Variants in OTUD7A observed in about 807,000 individuals in gnomAD.
OTUD7A encodes the protein OTU domain-containing protein 7A.
Under a neutral mutation model 65.7 loss-of-function variants are expected in OTUD7A, and 12 were observed. The ratio of observed to expected loss-of-function variants is 0.18; its 90% confidence interval spans 0.12 to 0.30. OTUD7A has a LOEUF of 0.30. Among genes scored for constraint, OTUD7A ranks in the 10% least tolerant of loss-of-function variants. The pLI is 1.00. For missense variants in OTUD7A, 1,148 were observed against 1,304.8 expected (o/e 0.88, Z 1.85); for synonymous variants, 641 against 586.3 (o/e 1.09, Z -1.35).
At chr15:31,854,824 A>AAAC (rs1301559025) in intron 1 of OTUD7A, among the ~76,000 whole-genome samples, 1 of 152,120 alleles carries the variant, frequency 6.6e-6, no homozygotes, top group Non-Finnish European at 1.5e-5. Context: ...GGAAAAAAAA[A>AAAC]AACAACAACA....
At chr15:31,601,699 T>C (rs530683871) in intron 3 of OTUD7A, among the ~76,000 whole-genome samples, 2 of 151,854 alleles carry the variant, frequency 1.3e-5, no homozygotes, top group South Asian at 2.1e-4. Flanking sequence ...ATCAACAAAA[T>C]AGACCGCTAG....
intron 3 of OTUD7A, among the ~76,000 whole-genome samples, chr15:31,600,389 C>A (rs995273199): frequency 2.0e-5 from 3 of 152,148 alleles, no homozygotes; most frequent in Non-Finnish European, 4.4e-5. Flanking sequence ...GAAATAAAAT[C>A]CTTTACAGAC....
chr15:31,595,455 G>A (rs981708063), intron 3 of OTUD7A, among the ~76,000 whole-genome samples: 2 of 152,198 alleles, frequency 1.3e-5, no homozygotes, highest in Non-Finnish European at 2.9e-5. Context: ...GCCCAGAGCT[G>A]TGCCCAGCTG....
At position 31,475,428 on chromosome 15, in the gene OTUD7A, A is replaced by G. The variant is rs1196708617; in HGVS notation, c.*7866T>C. The G allele has an allele frequency of 1.3e-5, 2 of 152,224 alleles. No individual in the cohort carries two copies. The highest frequency in any genetic ancestry group is 4.8e-5 in the African/African-American group (2 of 41,460). The allele number at this position is 152,224 out of a possible 1,614,324, so 9.4% of individuals were successfully genotyped here. Reference sequence around the variant, plus strand: ...TACAAACATGTTAATTTTATTGAGTAGGCATCAAAGCTTCTCTCTGTGTCA... The same window carrying G: ...TACAAACATGTTAATTTTATTGAGTGGGCATCAAAGCTTCTCTCTGTGTCA... On this transcript the variant is annotated 3_prime_UTR_variant, in exon 13 of 13. Coordinates refer to ENST00000307050, the MANE Select transcript of OTUD7A (RefSeq NM_001382637.1).
At chr15:31,839,155 C>T (rs908448169) in intron 1 of OTUD7A, among the ~76,000 whole-genome samples, 13 of 152,186 alleles carry the variant, frequency 8.5e-5, no homozygotes, top group Non-Finnish European at 1.5e-4. Context: ...GAGCACCGTT[C>T]GAAACACCAT....
At position 31,778,346 on chromosome 15, in the gene OTUD7A, C is replaced by A. The variant is rs1895444664; in HGVS notation, c.-100+92161G>T. 1.3e-5 allele frequency among the ~76,000 whole-genome samples: 2 copies of A among 152,174 alleles called. 1 individual carries two copies. Among genetic ancestry groups the A allele is most frequent in the South Asian group, 4.1e-4 (2 of 4,828 alleles). On this transcript the variant is annotated intron_variant, in intron 1 of 12. Coordinates refer to ENST00000307050, the MANE Select transcript of OTUD7A (RefSeq NM_001382637.1). The stretch of plus-strand genomic sequence containing the variant: ...AGGAGAAATATACCATGGGGTGCAG[C>A]TGGGGGATTCCATCTGGATCCCTCA...
At chr15:31,724,682 C>T (rs1213120943) in intron 1 of OTUD7A, among the ~76,000 whole-genome samples, 2 of 152,168 alleles carry the variant, frequency 1.3e-5, no homozygotes, top group African/African-American at 4.8e-5. Flanking sequence ...GCATCTTTCA[C>T]AGTCAGAATA....
intron 6 of OTUD7A, among the ~76,000 whole-genome samples, chr15:31,528,031 A>G (rs1275336707): frequency 6.6e-6 from 1 of 152,260 alleles, no homozygotes; most frequent in Non-Finnish European, 1.5e-5. Context: ...CCATCCGTCC[A>G]TCCAGCCATC....
chr15:31,791,934 A>T (rs1895827224), intron 1 of OTUD7A, among the ~76,000 whole-genome samples: 1 of 152,078 alleles, frequency 6.6e-6, no homozygotes, highest in Non-Finnish European at 1.5e-5. Flanking sequence ...TAGCACCTGG[A>T]TGATGTAGAG....
intron 5 of OTUD7A, among the ~76,000 whole-genome samples, chr15:31,541,182 G>C (rs1887976469): frequency 6.6e-6 from 1 of 152,086 alleles, no homozygotes; most frequent in Non-Finnish European, 1.5e-5. Flanking sequence ...TCATTGGTTA[G>C]ATTGTAGTAT....
At chr15:31,575,039 C>T (rs945023105) in intron 3 of OTUD7A, among the ~76,000 whole-genome samples, 2 of 152,208 alleles carry the variant, frequency 1.3e-5, no homozygotes, top group Non-Finnish European at 2.9e-5. Context: ...TTTCCTCCTA[C>T]TCACTCTGCC....
intron 8 of OTUD7A, among the ~76,000 whole-genome samples, chr15:31,507,383 C>T (rs544839181): frequency 6.6e-6 from 1 of 152,062 alleles, no homozygotes; most frequent in African/African-American, 2.4e-5. Context: ...GGAAGTTTAA[C>T]TTTGCTCTTG....
intron 1 of OTUD7A, among the ~76,000 whole-genome samples, chr15:31,749,234 T>C (rs1894562579): frequency 1.3e-5 from 2 of 152,106 alleles, no homozygotes; most frequent in Admixed American, 1.3e-4. Flanking sequence ...CATGTATACA[T>C]ATGTAACTAA....
intron 3 of OTUD7A, among the ~76,000 whole-genome samples, chr15:31,594,542 C>T (rs1889846524): frequency 6.6e-6 from 1 of 152,218 alleles, no homozygotes; most frequent in Admixed American, 6.5e-5. Flanking sequence ...GCCTCACACC[C>T]TGGCCAGGTC....
At chr15:31,630,256 G>C (rs1469977540) in intron 3 of OTUD7A, among the ~76,000 whole-genome samples, 1 of 148,114 alleles carries the variant, frequency 6.8e-6, no homozygotes, top group Non-Finnish European at 1.5e-5. Context: ...TCCACACACC[G>C]CTTTGAATGT....
chr15:31,747,821 A>T (rs1894519912), intron 1 of OTUD7A, among the ~76,000 whole-genome samples: 1 of 152,242 alleles, frequency 6.6e-6, no homozygotes, highest in African/African-American at 2.4e-5. Context: ...ATAACCAGTA[A>T]TGGGACAAAT....
chr15:31,645,511 C>T (rs1481496695), intron 3 of OTUD7A, among the ~76,000 whole-genome samples: 1 of 152,136 alleles, frequency 6.6e-6, no homozygotes, highest in African/African-American at 2.4e-5. Context: ...TTCGCCTGTC[C>T]CCAGAAAACC....
intron 3 of OTUD7A, among the ~76,000 whole-genome samples, chr15:31,615,852 C>T (rs953650168): frequency 6.6e-6 from 1 of 152,214 alleles, no homozygotes; most frequent in African/African-American, 2.4e-5. Flanking sequence ...GCTTCAACCG[C>T]GGTCTGAGTC....
chr15:31,788,627 T>A lies in OTUD7A; in HGVS notation c.-100+81880A>T, dbSNP rs1035080885. Among the ~76,000 whole-genome samples the A allele has an allele frequency of 6.6e-5, 10 of 152,296 alleles. No homozygotes were observed. In the East Asian group the frequency reaches 1.7e-3, roughly 26 times the overall value. On this transcript the variant is annotated intron_variant, in intron 1 of 12. Transcript: ENST00000307050. The stretch of plus-strand genomic sequence containing the variant: ...ATCATCCATAGTTGCAGGTGGGGAT[T>A]GTGTTGGCCCCAGAGTGGGTAGGGT...
Sources: allele counts gnomAD v4.1 joint callset (sites outside exome capture counted in the v4.1 genomes callset), GRCh38; gene constraint gnomAD v4.1.1; transcripts MANE v1.5; gene names NCBI Gene and HGNC (gene_info 2026-07-23, HGNC 2026-07-21).